ROR1: variants seen among roughly 807,000 people sequenced by gnomAD.
The protein encoded by ROR1 is ROR family WNT receptor 1.
In ROR1, 19 loss-of-function variants were observed where a neutral mutation model predicts 78.8. That is an observed-to-expected ratio of 0.24 (90% CI 0.17 to 0.35). The LOEUF (loss-of-function observed/expected upper bound fraction) is 0.35. Ranked by LOEUF, ROR1 falls within the 10% of genes least tolerant of loss-of-function variation. The pLI is 1.00. For synonymous variants in ROR1, 386 were observed against 433.6 expected, an observed-to-expected ratio of 0.89 and a Z score of 1.36; for missense variants, 917 against 1,177.8, an observed-to-expected ratio of 0.78 and a Z score of 3.24.
intron 4 of ROR1, among the ~76,000 whole-genome samples, chr1:64,070,556 A>G (rs114576719): frequency 0.043 from 6,569 of 152,090 alleles, 474 homozygotes; most frequent in African/African-American, 0.15. Flanking sequence ...CTTGCCTCAA[A>G]CCATCCTCGC....
chr1:64,024,263 C>G (rs1484475363), intron 2 of ROR1, among the ~76,000 whole-genome samples: 1 of 152,072 alleles, frequency 6.6e-6, no homozygotes, highest in Non-Finnish European at 1.5e-5. Context: ...AATGGATCAC[C>G]TAAGGTCAGG....
At chr1:63,954,936 A>G (rs1645969113) in intron 1 of ROR1, among the ~76,000 whole-genome samples, 1 of 152,212 alleles carries the variant, frequency 6.6e-6, no homozygotes, top group African/African-American at 2.4e-5. Flanking sequence ...GAAGTTAACG[A>G]AAAACATGGA....
intron 2 of ROR1, among the ~76,000 whole-genome samples, chr1:64,031,111 G>T (rs182444107): frequency 2.6e-5 from 4 of 152,204 alleles, no homozygotes; most frequent in South Asian, 2.1e-4. Flanking sequence ...TGAGCAACCC[G>T]CCCGCCTCTG....
At chr1:64,069,154 A>G (rs1646981017) in intron 4 of ROR1, among the ~76,000 whole-genome samples, 1 of 151,486 alleles carries the variant, frequency 6.6e-6, no homozygotes, top group Non-Finnish European at 1.5e-5. Flanking sequence ...AATTTTTTTT[A>G]ACTGGTGGCG....
At chr1:63,821,440 C>A (rs1028672644) in intron 1 of ROR1, among the ~76,000 whole-genome samples, 6 of 152,202 alleles carry the variant, frequency 3.9e-5, no homozygotes, top group African/African-American at 1.2e-4. Context: ...ACTGCCAACA[C>A]TTTTCACTGC....
At chr1:64,083,208 C>T (rs531250235) in intron 4 of ROR1, among the ~76,000 whole-genome samples, 1 of 152,154 alleles carries the variant, frequency 6.6e-6, no homozygotes, top group South Asian at 2.1e-4. Flanking sequence ...TAGAAGGAAA[C>T]TCTGGGAAGT....
intron 1 of ROR1, among the ~76,000 whole-genome samples, chr1:63,859,213 G>C (rs1327555898): frequency 6.6e-6 from 1 of 152,124 alleles, no homozygotes; most frequent in African/African-American, 2.4e-5. Flanking sequence ...CTGGCTGGGG[G>C]TTTTGGTGTT....
intron 1 of ROR1, among the ~76,000 whole-genome samples, chr1:63,793,076 A>G (rs1296139909): frequency 2.6e-5 from 4 of 152,230 alleles, no homozygotes; most frequent in African/African-American, 9.6e-5. Context: ...GTGGCCTCAA[A>G]TAGTGCTGCC....
At chr1:64,031,812 G>C (rs1408855167) in intron 2 of ROR1, among the ~76,000 whole-genome samples, 3 of 152,080 alleles carry the variant, frequency 2.0e-5, no homozygotes, top group African/African-American at 7.2e-5. Context: ...TCTTGTGAAG[G>C]CATAGCCTTG....
At chr1:63,779,839 C>T (rs1308176642) in intron 1 of ROR1, among the ~76,000 whole-genome samples, 1 of 152,016 alleles carries the variant, frequency 6.6e-6, no homozygotes, top group East Asian at 1.9e-4. Context: ...CCCAGAACAC[C>T]CAGGCATGGA....
At position 64,142,084 on chromosome 1, in the gene ROR1, C is replaced by T. The variant is rs577861619; in HGVS notation, c.929-321C>T. 2.0e-5 allele frequency among the ~76,000 whole-genome samples: 3 copies of T among 152,334 alleles called. No individual in the cohort carries two copies. The South Asian group carries it at 6.2e-4, about 32-fold the overall frequency. On this transcript the variant is annotated intron_variant, in intron 6 of 8. Coordinates refer to ENST00000371079, the MANE Select transcript of ROR1 (RefSeq NM_005012.4). Reference sequence around the variant, plus strand: ...TGGCTTGAACCTTCCTTGAACCATTCACTAGGAAATTACTTCTGTGCCCCC... The same window carrying T: ...TGGCTTGAACCTTCCTTGAACCATTTACTAGGAAATTACTTCTGTGCCCCC...
intron 1 of ROR1, among the ~76,000 whole-genome samples, chr1:63,908,747 C>G (rs897460873): frequency 6.6e-6 from 1 of 152,224 alleles, no homozygotes; most frequent in Non-Finnish European, 1.5e-5. Context: ...TACTACCTCA[C>G]TCCCCAGGGG....
At chr1:64,125,656 C>T (rs986198777) in intron 4 of ROR1, among the ~76,000 whole-genome samples, 2 of 152,030 alleles carry the variant, frequency 1.3e-5, no homozygotes, top group Admixed American at 6.6e-5. Context: ...CCGCCAGCCC[C>T]GAAACTAAAA....
chr1:64,041,942 G>A (rs1382173241), intron 2 of ROR1, among the ~76,000 whole-genome samples: 2 of 152,172 alleles, frequency 1.3e-5, no homozygotes, highest in Non-Finnish European at 2.9e-5. Context: ...GCAAGAGGAA[G>A]GGTTGGGTTG....
At chr1:63,801,287 G>A (rs1644795788) in intron 1 of ROR1, among the ~76,000 whole-genome samples, 1 of 151,814 alleles carries the variant, frequency 6.6e-6, no homozygotes, top group Non-Finnish European at 1.5e-5. Context: ...TGTATTTATG[G>A]GTATCATGTT....
intron 1 of ROR1, among the ~76,000 whole-genome samples, chr1:63,979,884 T>C (rs1253755995): frequency 3.3e-5 from 5 of 152,168 alleles, no homozygotes; most frequent in East Asian, 3.8e-4. Flanking sequence ...ATTCTAGTTA[T>C]GAAAATAAAA....
At chr1:63,789,005 C>T (rs978486491) in intron 1 of ROR1, 6 of 635,462 alleles carry the variant, frequency 9.4e-6, no homozygotes, top group African/African-American at 9.1e-5. Flanking sequence ...AGCACAGAAT[C>T]CTCATTCTCC....
chr1:63,913,840 T>G (rs899211853), intron 1 of ROR1, among the ~76,000 whole-genome samples: 1 of 152,216 alleles, frequency 6.6e-6, no homozygotes, highest in African/African-American at 2.4e-5. Context: ...AGGTTTTTAA[T>G]GGCTTTTTAC....
At chr1:63,925,164 T>TC (rs1259459771) in intron 1 of ROR1, among the ~76,000 whole-genome samples, 2,391 of 143,154 alleles carry the variant, frequency 0.017, 68 homozygotes, top group African/African-American at 0.061. Context: ...CCCTCCCCCT[T>TC]CCCCCCACCC....
Sources: gnomAD v4.1 joint callset for allele counts (sites outside exome capture counted in the v4.1 genomes callset) on GRCh38, gnomAD v4.1.1 for gene constraint, MANE v1.5 for transcripts, NCBI Gene and HGNC (gene_info 2026-07-23, HGNC 2026-07-21) for gene names.